The following KLHL4 variants were observed in gnomAD, a reference collection of about 807,000 sequenced individuals.
KLHL4 encodes the protein kelch-like protein 4.
Under a neutral mutation model 45.8 loss-of-function variants are expected in KLHL4, and 17 were observed. The ratio of observed to expected loss-of-function variants is 0.37; its 90% CI spans 0.25 to 0.56. KLHL4 has a LOEUF of 0.56. KLHL4 is among the 20% of genes least tolerant of loss of function. The pLI, the probability that KLHL4 is intolerant of heterozygous loss-of-function variation, is 0.79. For missense variants in KLHL4, 544 were observed against 544.9 expected, an observed-to-expected ratio of 1.00 and a Z score of 0.02; for synonymous variants, 224 against 189.9, an observed-to-expected ratio of 1.18 and a Z score of -1.47.
At chrX:87,529,498 CA>C (rs200759255) in intron 1 of KLHL4, among the ~76,000 whole-genome samples, 4 of 110,206 alleles carry the variant, frequency 3.6e-5, no homozygotes, top group Non-Finnish European at 7.6e-5. Flanking sequence ...TTCCTTTTGA[CA>C]AAAAAACCTA....
At chrX:87,590,173 AG>A (rs1314923445) in intron 1 of KLHL4, among the ~76,000 whole-genome samples, 3 of 111,344 alleles carry the variant, frequency 2.7e-5, no homozygotes, top group Non-Finnish European at 3.8e-5. Context: ...TAAATGCTTG[AG>A]GGAATGGACA....
chrX:87,667,829 TA>T lies in KLHL4; in HGVS notation c.*1299del. 1 of 659,844 alleles carries T rather than the reference TA, an allele frequency of 1.5e-6. No individual in the cohort carries two copies. The highest frequency in any genetic ancestry group is 9.0e-4 in the Middle Eastern group (1 of 1,105). The allele number at this position is 659,844 out of a possible 1,213,427, so 54.4% of individuals were successfully genotyped here. ...AAATCAAAATCTGGAGAAATGCTTA[TA>T]AAATATACTACTAGCTTTTAAGTTT... On this transcript the variant is annotated 3_prime_UTR_variant, in exon 11 of 11. Transcript: ENST00000373119.
chrX:87,669,138 T>A lies in KLHL4; in HGVS notation c.*2604T>A. On this transcript the variant is annotated 3_prime_UTR_variant, in exon 11 of 11. Coordinates refer to ENST00000373119, the MANE Select transcript of KLHL4 (RefSeq NM_019117.5). ...TTAAACAAATGTGTATAGGAAAGGA[T>A]GTTATTTATATATTCTTACAAGAGT... is the stretch of plus-strand genomic sequence containing the variant. 9.8e-7 allele frequency: 1 copy of A among 1,015,397 alleles called. No homozygotes were observed. Among genetic ancestry groups the A allele is most frequent in the Non-Finnish European group, 1.3e-6 (1 of 799,528 alleles). 83.7% of individuals were successfully genotyped at this position (1,015,397 alleles called of 1,213,427 possible).
chrX:87,668,550 T>G lies in KLHL4; in HGVS notation c.*2016T>G. 2 of 662,397 alleles carry G rather than the reference T, an allele frequency of 3.0e-6. No homozygotes were observed. Among genetic ancestry groups the G allele is most frequent in the Non-Finnish European group, 3.6e-6 (2 of 555,574 alleles). 54.6% of individuals were successfully genotyped at this position (662,397 alleles called of 1,213,427 possible). ...AATATTTTTTTCCCTCGAAAACTCA[T>G]GTTGAAACTTAACTCCTAATGTAGC... On this transcript the variant is annotated 3_prime_UTR_variant, in exon 11 of 11. Coordinates refer to ENST00000373119, the MANE Select transcript of KLHL4 (RefSeq NM_019117.5).
intron 9 of KLHL4, among the ~76,000 whole-genome samples, chrX:87,648,852 C>A (rs1047915530): frequency 2.7e-5 from 3 of 110,737 alleles, no homozygotes; most frequent in African/African-American, 9.8e-5. Context: ...TAAGATTATA[C>A]AAACCATAAA....
At position 87,517,846 on chromosome X, in the gene KLHL4, T is replaced by A; in HGVS notation, c.-48T>A. 2 of 1,133,815 alleles carry A rather than the reference T, an allele frequency of 1.8e-6. No individual in the cohort carries two copies. Among genetic ancestry groups the A allele is most frequent in the Non-Finnish European group, 2.4e-6 (2 of 847,805 alleles). The allele number at this position is 1,133,815 out of a possible 1,213,427, so 93.4% of individuals were successfully genotyped here. On this transcript the variant is annotated 5_prime_UTR_variant, in exon 1 of 11. Transcript: ENST00000373119. ...CAGAAAAACAAGAGATAACAAAGGC[T>A]CCGTTTCCTTTCTGTGAGAGAAGGC...
chrX:87,607,220 T>C (rs1922225391), intron 1 of KLHL4, among the ~76,000 whole-genome samples: 1 of 111,154 alleles, frequency 9.0e-6, no homozygotes, highest in South Asian at 3.8e-4. Flanking sequence ...GGCCTCTCAG[T>C]TGCTTCACCT....
intron 9 of KLHL4, among the ~76,000 whole-genome samples, chrX:87,648,475 A>G (rs1245637199): frequency 9.0e-6 from 1 of 111,447 alleles, no homozygotes; most frequent in Non-Finnish European, 1.9e-5. Context: ...ATTAAGGACC[A>G]CAGTGTCTGA....
intron 1 of KLHL4, among the ~76,000 whole-genome samples, chrX:87,548,834 GAAGA>G (rs1931742139): frequency 1.4e-5 from 1 of 70,393 alleles, no homozygotes; most frequent in African/African-American, 5.5e-5. Flanking sequence ...TAGAGGAAGA[GAAGA>G]AAGAATGAAA....
At chrX:87,622,008 C>A (rs1316453096) in intron 4 of KLHL4, among the ~76,000 whole-genome samples, 2 of 111,663 alleles carry the variant, frequency 1.8e-5, no homozygotes, top group Admixed American at 1.9e-4. Flanking sequence ...AAATAATTCC[C>A]AGTGGAAGCA....
At chrX:87,569,261 A>C (rs1932282595) in intron 1 of KLHL4, among the ~76,000 whole-genome samples, 1 of 111,692 alleles carries the variant, frequency 9.0e-6, no homozygotes. Context: ...CAAAACCATA[A>C]TGAAATAACA....
chrX:87,614,804 G>A (rs958017580), intron 3 of KLHL4, among the ~76,000 whole-genome samples: 3 of 110,287 alleles, frequency 2.7e-5, no homozygotes, highest in Non-Finnish European at 3.8e-5. Flanking sequence ...AAGAAGAAGA[G>A]GTATATAATA....
At chrX:87,547,837 C>A (rs1486155488) in intron 1 of KLHL4, among the ~76,000 whole-genome samples, 1 of 110,953 alleles carries the variant, frequency 9.0e-6, no homozygotes, top group African/African-American at 3.3e-5. Context: ...AACAAACAAA[C>A]AAACAAAAAT....
Position 87,664,769 on chromosome X carries a change from A to T in KLHL4, c.1931A>T (p.Asp644Val). 8.4e-7 allele frequency: 1 copy of T among 1,195,194 alleles called. No homozygotes were observed. Among genetic ancestry groups the T allele is most frequent in the Non-Finnish European group, 1.1e-6 (1 of 885,693 alleles). Residue 644 changes from aspartate (D) to valine (V), a missense_variant, in exon 10 of 11, where the codon GAT becomes GTT. Physicochemically the swap from Asp to Val is radical, Grantham distance 152. Transcript: ENST00000373119. ...SRLSDCVERY[D>V]PKGDSWSTVA... ...ATCTTTCTAAATCCTTTAAGGTATG[A>T]TCCAAAAGGTGATTCATGGTCAACT...
intron 1 of KLHL4, among the ~76,000 whole-genome samples, chrX:87,592,236 T>C (rs1055580331): frequency 1.8e-5 from 2 of 111,898 alleles, no homozygotes; most frequent in East Asian, 2.8e-4. Context: ...GTATAAGTAC[T>C]GCATTTTCTT....
chrX:87,571,209 G>A lies in KLHL4; in HGVS notation c.423-42668G>A, dbSNP rs768316524. Among the ~76,000 whole-genome samples the A allele has an allele frequency of 1.9e-4, 21 of 110,386 alleles. No individual in the cohort carries two copies. The East Asian group carries it at 3.7e-3, about 19-fold the overall frequency. ...GTATAAATAAATTTTTAATCAATTC[G>A]TATGCATTTTATAGTTTTAGAACAT... On this transcript the variant is annotated intron_variant, in intron 1 of 10. Transcript: ENST00000373119.
At chrX:87,583,357 T>A (rs1174470381) in intron 1 of KLHL4, among the ~76,000 whole-genome samples, 2 of 112,061 alleles carry the variant, frequency 1.8e-5, no homozygotes, top group Non-Finnish European at 3.8e-5. Context: ...AGCATCACCC[T>A]CCCCTGGCCC....
chrX:87,659,069 A>G (rs1348868816), intron 9 of KLHL4, among the ~76,000 whole-genome samples: 1 of 106,267 alleles, frequency 9.4e-6, no homozygotes, highest in Non-Finnish European at 1.9e-5. Flanking sequence ...ATGGTAGCCC[A>G]TAAGTCCCTT....
rs761447187 is a variant in KLHL4 at position 87,613,267 on chromosome X, T to C, written c.423-610T>C. Among the ~76,000 whole-genome samples, 3 of 112,120 alleles carry C rather than the reference T, an allele frequency of 2.7e-5. No homozygotes were observed. In the South Asian group the frequency reaches 1.1e-3, roughly 42 times the overall value. On this transcript the variant is annotated intron_variant, in intron 1 of 10. Transcript: ENST00000373119. ...TTGTGTTGAGATTTAAATTCCACCA[T>C]TGTGTGATGTTGAAAATACAGGTAG...
Sources: allele counts gnomAD v4.1 joint callset (sites outside exome capture counted in the v4.1 genomes callset), GRCh38; gene constraint gnomAD v4.1.1; transcripts MANE v1.5; gene names NCBI Gene and HGNC (gene_info 2026-07-23, HGNC 2026-07-21).